CA10: variants seen among roughly 807,000 people sequenced by gnomAD.
CA10 encodes carbonic anhydrase-related protein 10.
In CA10, 14 loss-of-function variants were observed where a neutral mutation model predicts 44.2. The observed-to-expected ratio is 0.32, with a 90% CI of 0.21 to 0.50. The LOEUF (loss-of-function observed/expected upper bound fraction) is 0.50, where lower values mean the gene tolerates loss of function less well. CA10 is among the 20% of genes least tolerant of loss of function. The probability of loss-of-function intolerance (pLI) is 0.99; values close to 1 mark genes in which losing one functional copy is unlikely to be tolerated. For missense variants in CA10, 350 were observed against 409.7 expected (o/e 0.85, Z 1.26); for synonymous variants, 159 against 141.6 (o/e 1.12, Z -0.87).
intron 3 of CA10, among the ~76,000 whole-genome samples, chr17:51,839,067 G>T (rs1978298171): frequency 6.6e-6 from 1 of 152,168 alleles, no homozygotes; most frequent in South Asian, 2.1e-4. Flanking sequence ...ATGTTTGCTG[G>T]AAGAGACACA....
intron 2 of CA10, among the ~76,000 whole-genome samples, chr17:51,991,726 T>C (rs1331348620): frequency 6.6e-6 from 1 of 152,134 alleles, no homozygotes; most frequent in Non-Finnish European, 1.5e-5. Flanking sequence ...GGAGAATCAC[T>C]TGAACCTGGG....
At chr17:52,110,562 T>A (rs962418622) in intron 1 of CA10, among the ~76,000 whole-genome samples, 4 of 152,190 alleles carry the variant, frequency 2.6e-5, no homozygotes, top group African/African-American at 9.7e-5. Context: ...GAGATTTGGG[T>A]GTCTGCGATT....
chr17:52,043,279 C>A (rs1380850861), intron 2 of CA10, among the ~76,000 whole-genome samples: 2 of 152,004 alleles, frequency 1.3e-5, no homozygotes, highest in Non-Finnish European at 2.9e-5. Flanking sequence ...CACTATAGAT[C>A]TTTTATCTCC....
intron 3 of CA10, among the ~76,000 whole-genome samples, chr17:51,875,296 G>T (rs1236165453): frequency 6.6e-6 from 1 of 152,100 alleles, no homozygotes; most frequent in African/African-American, 2.4e-5. Flanking sequence ...TGGGTATGAG[G>T]CACTGTGCCC....
intron 4 of CA10, among the ~76,000 whole-genome samples, chr17:51,747,298 T>C (rs570089535): frequency 6.6e-6 from 1 of 152,344 alleles, no homozygotes; most frequent in African/African-American, 2.4e-5. Flanking sequence ...ATCGCCCAGA[T>C]AGGTGTAAGT....
At chr17:51,987,754 C>T (rs968719290) in intron 2 of CA10, among the ~76,000 whole-genome samples, 4 of 151,694 alleles carry the variant, frequency 2.6e-5, no homozygotes, top group African/African-American at 9.7e-5. Flanking sequence ...AACTATTCAC[C>T]AAGGCGATTA....
chr17:52,048,422 C>T (rs1446540678), intron 2 of CA10, among the ~76,000 whole-genome samples: 2 of 151,952 alleles, frequency 1.3e-5, no homozygotes, highest in Non-Finnish European at 2.9e-5. Flanking sequence ...GGCAGTATAG[C>T]GGGTGGAAAG....
chr17:52,033,597 GATCT>G (rs1327142892), intron 2 of CA10, among the ~76,000 whole-genome samples: 1 of 152,020 alleles, frequency 6.6e-6, no homozygotes, highest in Non-Finnish European at 1.5e-5. Flanking sequence ...AAACCCAATG[GATCT>G]ATCAAAATAA....
At chr17:51,649,018 G>T (rs1377327059) in intron 6 of CA10, among the ~76,000 whole-genome samples, 164 bp downstream of exon 6, 4 of 152,020 alleles carry the variant, frequency 2.6e-5, no homozygotes, top group Non-Finnish European at 5.9e-5. Flanking sequence ...CTTGAAATGA[G>T]CTGCTTCTTA....
chr17:51,874,410 A>C (rs1309514063), intron 3 of CA10, among the ~76,000 whole-genome samples: 1 of 151,838 alleles, frequency 6.6e-6, no homozygotes, highest in South Asian at 2.1e-4. Flanking sequence ...AAAAAAACAA[A>C]AACTGAAAAC....
intron 2 of CA10, among the ~76,000 whole-genome samples, chr17:51,961,058 C>T (rs919965024): frequency 2.0e-5 from 3 of 152,174 alleles, no homozygotes; most frequent in Non-Finnish European, 4.4e-5. Context: ...ATTGCAGCTT[C>T]AGCTCCAACT....
intron 2 of CA10, among the ~76,000 whole-genome samples, chr17:51,963,740 C>A (rs1165980180): frequency 6.6e-6 from 1 of 152,098 alleles, no homozygotes; most frequent in African/African-American, 2.4e-5. Context: ...ACTATTAGAA[C>A]CGGCTTACAA....
chr17:52,078,155 G>C (rs1987867785), intron 1 of CA10, among the ~76,000 whole-genome samples: 1 of 152,172 alleles, frequency 6.6e-6, no homozygotes, highest in Non-Finnish European at 1.5e-5. Flanking sequence ...CTTAGGTTCA[G>C]AGAAAACATA....
intron 1 of CA10, among the ~76,000 whole-genome samples, chr17:52,126,080 G>A (rs1330938240): frequency 6.6e-6 from 1 of 152,146 alleles, no homozygotes; most frequent in Non-Finnish European, 1.5e-5. Flanking sequence ...ATTAAAAAAA[G>A]ATAATCACAT....
At chr17:51,728,518 T>A (rs1216397296) in intron 4 of CA10, among the ~76,000 whole-genome samples, 1 of 152,220 alleles carries the variant, frequency 6.6e-6, no homozygotes, top group Non-Finnish European at 1.5e-5. Flanking sequence ...CGGGTACTTA[T>A]CAGATATTTT....
rs573146947 is a variant in CA10 at position 52,023,905 on chromosome 17, ACTTTTAT to A, written c.136+48407_136+48413del. On this transcript the variant is annotated intron_variant, in intron 2 of 8. Transcript: ENST00000451037. ...TCTTCTGTCTATATTTAAAATTTTT[ACTTTTAT>A]CTTTTAACAGTTTTACTATGTTTTA... Among the ~76,000 whole-genome samples, 9 of 152,164 alleles carry A rather than the reference ACTTTTAT, an allele frequency of 5.9e-5. No individual in the cohort carries two copies. The East Asian group carries it at 1.4e-3, about 23-fold the overall frequency.
At chr17:51,767,894 G>C (rs2143650316) in intron 3 of CA10, among the ~76,000 whole-genome samples, 1 of 152,270 alleles carries the variant, frequency 6.6e-6, no homozygotes, top group African/African-American at 2.4e-5. Flanking sequence ...TGATCTGACA[G>C]GAGGTAGAGC....
At chr17:51,738,034 T>A (rs886151453) in intron 4 of CA10, among the ~76,000 whole-genome samples, 2 of 152,198 alleles carry the variant, frequency 1.3e-5, no homozygotes, top group Non-Finnish European at 2.9e-5. Context: ...GGCAACTAAG[T>A]GGCATAATTC....
chr17:52,055,147 A>C (rs1987189621), intron 2 of CA10, among the ~76,000 whole-genome samples: 1 of 152,120 alleles, frequency 6.6e-6, no homozygotes, highest in Non-Finnish European at 1.5e-5. Context: ...ACATTTATCT[A>C]CAAAAGCATT....
Sources: allele counts gnomAD v4.1 joint callset (sites outside exome capture counted in the v4.1 genomes callset), GRCh38; gene constraint gnomAD v4.1.1; transcripts MANE v1.5; gene names NCBI Gene and HGNC (gene_info 2026-07-23, HGNC 2026-07-21).